FGD4: variants seen among roughly 807,000 people sequenced by gnomAD.
The protein encoded by FGD4 is FYVE, RhoGEF and PH domain containing 4, also known as FYVE, RhoGEF and PH domain-containing protein 4.
Under a neutral mutation model 102.0 loss-of-function variants are expected in FGD4, and 42 were observed. That is an observed-to-expected ratio of 0.41 (90% CI 0.32 to 0.53). The LOEUF (loss-of-function observed/expected upper bound fraction) is 0.53, where lower values mean the gene tolerates loss of function less well. Ranked by LOEUF, FGD4 falls within the 20% of genes least tolerant of loss-of-function variation. The pLI, the probability that FGD4 is intolerant of heterozygous loss-of-function variation, is 0.21. For synonymous variants in FGD4, 380 were observed against 375.7 expected (o/e 1.01, Z -0.13); for missense variants, 902 against 1,078.2 (o/e 0.84, Z 2.29).
chr12:32,585,881 C>CAGTT, intron 4 of FGD4, among the ~76,000 whole-genome samples: 1 of 143,554 alleles, frequency 7.0e-6, no homozygotes, highest in Non-Finnish European at 1.5e-5. Flanking sequence ...GATGAAGGAG[C>CAGTT]AGTTGTGCCC....
chr12:32,633,754 C>T, intron 15 of FGD4, 65 bp downstream of exon 15: 1 of 1,449,518 alleles, frequency 6.9e-7, no homozygotes, highest in South Asian at 1.2e-5. Context: ...CTCGCTCTGT[C>T]ACCCAGGCTG....
intron 1 of FGD4, among the ~76,000 whole-genome samples, chr12:32,493,946 T>C (rs1937627452): frequency 6.6e-6 from 1 of 152,148 alleles, no homozygotes; most frequent in Non-Finnish European, 1.5e-5. Flanking sequence ...TGAAGTGCAC[T>C]GTAGAAACAA....
chr12:32,457,907 CT>C (rs1223349997), intron 1 of FGD4, among the ~76,000 whole-genome samples: 2 of 152,024 alleles, frequency 1.3e-5, no homozygotes, highest in Non-Finnish European at 2.9e-5. Context: ...AGTTCTGCTA[CT>C]GAAATTAAAT....
intron 4 of FGD4, among the ~76,000 whole-genome samples, chr12:32,595,070 G>A (rs1947780845): frequency 6.6e-6 from 1 of 151,638 alleles, no homozygotes; most frequent in Non-Finnish European, 1.5e-5. Flanking sequence ...TAAAACAAAG[G>A]GCTTACAATG....
chr12:32,405,384 C>T (rs1243844423), intron 1 of FGD4, among the ~76,000 whole-genome samples: 4 of 151,408 alleles, frequency 2.6e-5, no homozygotes, highest in South Asian at 2.1e-4. Context: ...CTCAGCCTCC[C>T]GAGTAGCTGG....
chr12:32,472,848 T>C (rs1008532081), intron 1 of FGD4, among the ~76,000 whole-genome samples: 4 of 152,146 alleles, frequency 2.6e-5, no homozygotes, highest in Admixed American at 6.5e-5. Flanking sequence ...GGTTTGTGAG[T>C]GCACCAATCG....
intron 14 of FGD4, among the ~76,000 whole-genome samples, chr12:32,631,775 A>ATTGCAAGC (rs1178313535): frequency 3.9e-5 from 6 of 152,270 alleles, no homozygotes; most frequent in African/African-American, 1.2e-4. Context: ...AAGTGCTGTG[A>ATTGCAAGC]TTGCAAGCAT....
chr12:32,563,869 C>T (rs1048014553), intron 1 of FGD4, among the ~76,000 whole-genome samples: 5 of 152,058 alleles, frequency 3.3e-5, no homozygotes, highest in South Asian at 4.1e-4. Flanking sequence ...GGCATGGCGG[C>T]GCGGGCATGT....
intron 1 of FGD4, among the ~76,000 whole-genome samples, chr12:32,440,607 C>T (rs904109217): frequency 7.2e-5 from 11 of 152,326 alleles, no homozygotes; most frequent in African/African-American, 2.2e-4. Flanking sequence ...TATGACTACA[C>T]GGCGTCAGAC....
intron 1 of FGD4, among the ~76,000 whole-genome samples, chr12:32,468,023 A>T (rs182692329): frequency 1.7e-3 from 254 of 151,748 alleles, no homozygotes; most frequent in East Asian, 0.016. Flanking sequence ...CTCAAAAAAA[A>T]TTTTTTTTAA....
chr12:32,399,774 C>T lies in FGD4; in HGVS notation c.-20C>T, dbSNP rs1401365770. ...GACGGGAGCGGGAGGAGTCGGGGAG[C>T]GGCGGTCGAGCCCGGCAGGATGAGC... On this transcript the variant is annotated 5_prime_UTR_variant, in exon 1 of 17. Coordinates refer to ENST00000534526, the MANE Select transcript of FGD4 (RefSeq NM_001370298.3). The T allele has an allele frequency of 5.2e-6, 8 of 1,528,160 alleles. No homozygotes were observed. The highest frequency in any genetic ancestry group is 6.1e-6 in the Non-Finnish European group (7 of 1,144,412). 94.7% of individuals were successfully genotyped at this position (1,528,160 alleles called of 1,614,324 possible).
At chr12:32,590,735 G>C (rs1254980495) in intron 4 of FGD4, among the ~76,000 whole-genome samples, 1 of 152,188 alleles carries the variant, frequency 6.6e-6, no homozygotes, top group African/African-American at 2.4e-5. Context: ...AGGATTACAA[G>C]AGATAACTCA....
intron 1 of FGD4, among the ~76,000 whole-genome samples, chr12:32,407,807 T>C (rs1330725130): frequency 6.6e-6 from 1 of 152,118 alleles, no homozygotes; most frequent in Non-Finnish European, 1.5e-5. Context: ...CACTTCAGAC[T>C]TGGTTTATAG....
intron 1 of FGD4, among the ~76,000 whole-genome samples, chr12:32,535,006 A>T (rs930138982): frequency 1.3e-5 from 2 of 152,316 alleles, no homozygotes; most frequent in Middle Eastern, 6.8e-3. Context: ...AACATTGTAG[A>T]GATAGGCATG....
At position 32,406,069 on chromosome 12, in the gene FGD4, G is replaced by A. The variant is rs575724667; in HGVS notation, c.166+6110G>A. On this transcript the variant is annotated intron_variant, in intron 1 of 16. Transcript: ENST00000534526. ...AGTGATTCTCCTGCCTTATCCTCCC[G>A]AGTAGCTGGGATTACTGGCATGTGC... Among the ~76,000 whole-genome samples the A allele has an allele frequency of 5.9e-5, 9 of 151,888 alleles. No individual in the cohort carries two copies. The South Asian group carries it at 6.3e-4, about 11-fold the overall frequency.
chr12:32,520,439 T>G (rs1417133076), intron 1 of FGD4, among the ~76,000 whole-genome samples: 1 of 110,372 alleles, frequency 9.1e-6, no homozygotes, highest in African/African-American at 2.8e-5. Flanking sequence ...TTTTGTTTTT[T>G]GTTTTTTTTT....
At chr12:32,430,634 AAAGT>A (rs144965351) in intron 1 of FGD4, among the ~76,000 whole-genome samples, 59,476 of 151,682 alleles carry the variant, frequency 0.39, 12,187 homozygotes, top group African/African-American at 0.5. Flanking sequence ...CGTGTGTGTA[AAAGT>A]AATATTAATA....
intron 1 of FGD4, among the ~76,000 whole-genome samples, chr12:32,536,832 C>A (rs7967334): frequency 0.28 from 42,568 of 152,048 alleles, 8,475 homozygotes; most frequent in African/African-American, 0.57. Flanking sequence ...ATTTTTAAAA[C>A]ATTTAAACAA....
rs577205228 is a variant in FGD4, at chr12:32,520,853, G to A, written c.167-43284G>A. 5.3e-5 allele frequency among the ~76,000 whole-genome samples: 8 copies of A among 152,208 alleles called. No individual in the cohort carries two copies. In the South Asian group the frequency reaches 1.7e-3, roughly 32 times the overall value. ...CATGCCCAGGATTTATTCTGATAGG[G>A]ATGTGCCCTCAAGAAGTTTAGAGAT... On this transcript the variant is annotated intron_variant, in intron 1 of 16. Transcript: ENST00000534526.
Sources: allele counts gnomAD v4.1 joint callset (sites outside exome capture counted in the v4.1 genomes callset), GRCh38; gene constraint gnomAD v4.1.1; transcripts MANE v1.5; gene names NCBI Gene and HGNC (gene_info 2026-07-23, HGNC 2026-07-21).